Variants in MAP3K13 observed in about 807,000 individuals in gnomAD.
MAP3K13 encodes the protein mitogen-activated protein kinase kinase kinase 13.
A neutral mutation model predicts 104.0 loss-of-function variants in MAP3K13; 52 were observed. That is an observed-to-expected ratio of 0.50 (90% CI 0.40 to 0.63). The LOEUF (loss-of-function observed/expected upper bound fraction) is 0.63, where lower values mean the gene tolerates loss of function less well. Ranked by LOEUF, MAP3K13 falls within the 20% of genes least tolerant of loss-of-function variation. The pLI is 0.00. For synonymous variants in MAP3K13, 394 were observed against 442.2 expected, an observed-to-expected ratio of 0.89 and a Z score of 1.37; for missense variants, 914 against 1,218.5, an observed-to-expected ratio of 0.75 and a Z score of 3.72.
At position 185,450,828 on chromosome 3, in the gene MAP3K13, G is replaced by A. The variant is rs992449788; in HGVS notation, c.1170-459G>A. Among the ~76,000 whole-genome samples the A allele has an allele frequency of 3.3e-5, 5 of 152,102 alleles. No homozygotes were observed. The highest frequency in any genetic ancestry group is 6.5e-5 in the Admixed American group (1 of 15,272). On this transcript the variant is annotated intron_variant, in intron 6 of 13. Transcript: ENST00000265026. The surrounding 1 kb of genome is among the most constrained non-coding windows in gnomAD (Gnocchi z 4.2). Reference sequence around the variant, plus strand: ...TTAAGGGCCGGGTACGGTGGCTCACGCCTGTAATCCCAGCACTTTAGGAGG... The same window carrying A: ...TTAAGGGCCGGGTACGGTGGCTCACACCTGTAATCCCAGCACTTTAGGAGG...
intron 2 of MAP3K13, among the ~76,000 whole-genome samples, chr3:185,330,937 A>G (rs1232399506): frequency 1.3e-5 from 2 of 152,094 alleles, no homozygotes; most frequent in Non-Finnish European, 2.9e-5. Context: ...GCTGCTGCCT[A>G]GAAAGCTCTT....
chr3:185,328,148 C>T (rs1208762239), intron 2 of MAP3K13, among the ~76,000 whole-genome samples: 1 of 152,124 alleles, frequency 6.6e-6, no homozygotes, highest in African/African-American at 2.4e-5. Context: ...TACATCAGAT[C>T]AGCCGGTGGT....
Position 185,485,444 on chromosome 3 carries a change from A to G in MAP3K13, c.*2988A>G, listed in dbSNP as rs1577640893. The G allele has an allele frequency of 6.6e-6, 1 of 152,234 alleles. No homozygotes were observed. The allele number at this position is 152,234 out of a possible 1,614,324, so 9.4% of individuals were successfully genotyped here. A position where few individuals can be genotyped will look rare whatever the true frequency, so the allele number is the denominator to read the frequency against. ...ATTTGATGGAACATTCCAGAAATAA[A>G]CAATTCATAAATTTTAATTGCACAG... On this transcript the variant is annotated 3_prime_UTR_variant, in exon 14 of 14. Transcript: ENST00000265026.
rs1409287464 is a variant in MAP3K13, at chr3:185,455,391, T to TGA, written c.1278+3996_1278+3997insGA. On this transcript the variant is annotated intron_variant, in intron 7 of 13. Transcript: ENST00000265026. Reference sequence around the variant, plus strand: ...ATATATGATATATATGATATATATATCATATATGAGATATATATATGAGAT... The same window carrying TGA: ...ATATATGATATATATGATATATATATGACATATATGAGATATATATATGAGAT... 1.5e-3 allele frequency among the ~76,000 whole-genome samples: 41 copies of TGA among 27,830 alleles called. 4 individuals carry two copies. The highest frequency in any genetic ancestry group is 2.8e-3 in the Non-Finnish European group (35 of 12,528). The allele number at this position is 27,830 out of a possible 152,430, so 18.3% of individuals were successfully genotyped here.
intron 2 of MAP3K13, among the ~76,000 whole-genome samples, chr3:185,312,675 G>A (rs1047229010): frequency 1.9e-4 from 29 of 152,126 alleles, no homozygotes; most frequent in Admixed American, 1.5e-3. Context: ...GAAATCAAAA[G>A]CATCTTGATG....
chr3:185,456,732 G>C (rs529185722), intron 7 of MAP3K13, among the ~76,000 whole-genome samples: 4 of 150,938 alleles, frequency 2.7e-5, no homozygotes, highest in Admixed American at 1.3e-4. Flanking sequence ...TTCCCGAGTA[G>C]CTGGGACTAC....
intron 1 of MAP3K13, among the ~76,000 whole-genome samples, chr3:185,425,204 C>T (rs1025482859): frequency 3.3e-5 from 5 of 152,202 alleles, no homozygotes; most frequent in Non-Finnish European, 7.3e-5. Flanking sequence ...AATCAGATAG[C>T]ATCAGTAAAA....
intron 1 of MAP3K13, among the ~76,000 whole-genome samples, chr3:185,410,976 C>G (rs1330754641): frequency 6.6e-6 from 1 of 151,026 alleles, no homozygotes; most frequent in African/African-American, 2.4e-5. Context: ...AAGATTCTTT[C>G]ATGGAATATT....
chr3:185,348,622 CT>C (rs1227726257), intron 2 of MAP3K13, among the ~76,000 whole-genome samples: 1 of 152,004 alleles, frequency 6.6e-6, no homozygotes, highest in Non-Finnish European at 1.5e-5. Context: ...CGAGGAGTGG[CT>C]ATAAGATAGG....
At chr3:185,479,864 A>G (rs1054830623) in intron 12 of MAP3K13, among the ~76,000 whole-genome samples, 4 of 152,164 alleles carry the variant, frequency 2.6e-5, no homozygotes, top group Non-Finnish European at 5.9e-5. Flanking sequence ...TGCCCCGCAC[A>G]TGAATGTTGA....
Position 185,436,828 on chromosome 3 carries a change from C to T in MAP3K13, c.476-619C>T, listed in dbSNP as rs188655680. Among the ~76,000 whole-genome samples the T allele has an allele frequency of 2.6e-5, 4 of 151,726 alleles. No individual in the cohort carries two copies. The East Asian group carries it at 7.8e-4, about 29-fold the overall frequency. ...GACCAGTCTGACCAACATGGTGAAA[C>T]CCTGCCTCTACTGAAAAATACAATT... On this transcript the variant is annotated intron_variant, in intron 2 of 13. Coordinates refer to ENST00000265026, the MANE Select transcript of MAP3K13 (RefSeq NM_004721.5).
intron 2 of MAP3K13, among the ~76,000 whole-genome samples, chr3:185,294,713 TC>T (rs925637554): frequency 2.0e-5 from 3 of 152,174 alleles, no homozygotes; most frequent in African/African-American, 7.2e-5. Flanking sequence ...CTTCCTCCAC[TC>T]CTTTGCCAAA....
chr3:185,365,738 G>T (rs1723841305), intron 1 of MAP3K13, among the ~76,000 whole-genome samples: 1 of 151,984 alleles, frequency 6.6e-6, no homozygotes, highest in Admixed American at 6.6e-5. Context: ...AAAAAATTTA[G>T]AAAATGCAGT....
intron 2 of MAP3K13, among the ~76,000 whole-genome samples, chr3:185,329,818 A>G (rs1722179034): frequency 6.6e-6 from 1 of 151,662 alleles, no homozygotes; most frequent in African/African-American, 2.4e-5. Context: ...TTTTACCACA[A>G]TGCATTTTTA....
At chr3:185,460,013 G>A (rs909065725) in intron 7 of MAP3K13, among the ~76,000 whole-genome samples, 1 of 152,124 alleles carries the variant, frequency 6.6e-6, no homozygotes. Flanking sequence ...GTGTTTTCAA[G>A]GTTCACGTAT....
At chr3:185,434,272 G>C (rs1359788239) in intron 2 of MAP3K13, among the ~76,000 whole-genome samples, 1 of 152,124 alleles carries the variant, frequency 6.6e-6, no homozygotes, top group African/African-American at 2.4e-5. Flanking sequence ...GAACAAAGGG[G>C]TTTTGACAAT....
At chr3:185,443,197 G>A (rs560124331) in intron 3 of MAP3K13, among the ~76,000 whole-genome samples, 1 of 152,186 alleles carries the variant, frequency 6.6e-6, no homozygotes, top group African/African-American at 2.4e-5. Flanking sequence ...CCACAGAAAA[G>A]GCACCAGACA....
intron 2 of MAP3K13, among the ~76,000 whole-genome samples, chr3:185,352,446 A>G (rs772459372): frequency 1.3e-5 from 2 of 152,176 alleles, no homozygotes; most frequent in Admixed American, 1.3e-4. Flanking sequence ...CTCTGTCTAA[A>G]AAAGAAAAAA....
chr3:185,382,871 A>G (rs1304989715), intron 1 of MAP3K13, among the ~76,000 whole-genome samples: 1 of 152,052 alleles, frequency 6.6e-6, no homozygotes, highest in Non-Finnish European at 1.5e-5. Context: ...TTAATTTATT[A>G]TTATTATACT....
Sources: gnomAD v4.1 joint callset for allele counts (sites outside exome capture counted in the v4.1 genomes callset) on GRCh38, gnomAD v4.1.1 for gene constraint, Gnocchi (gnomAD v3.1) non-coding constraint, MANE v1.5 for transcripts, NCBI Gene and HGNC (gene_info 2026-07-23, HGNC 2026-07-21) for gene names.